Variants in PRKN observed in about 807,000 individuals in gnomAD.
The protein encoded by PRKN is E3 ubiquitin-protein ligase parkin.
Under a neutral mutation model 59.5 loss-of-function variants are expected in PRKN, and 56 were observed. The observed-to-expected ratio is 0.94, with a 90% confidence interval of 0.76 to 1.18. The LOEUF is 1.18. Ranked by LOEUF, PRKN falls within the 50% of genes most tolerant of loss-of-function variation. The pLI, the probability that PRKN is intolerant of heterozygous loss-of-function variation, is 0.00. For synonymous variants in PRKN, 250 were observed against 222.1 expected (o/e 1.13, Z -1.12); for missense variants, 657 against 596.4 (o/e 1.10, Z -1.06).
chr6:161,714,032 A>G (rs754162829), intron 7 of PRKN, among the ~76,000 whole-genome samples: 2 of 152,154 alleles, frequency 1.3e-5, no homozygotes, highest in Non-Finnish European at 2.9e-5. Context: ...TCAGTCCATT[A>G]AACTTCTTTT....
At chr6:162,468,515 G>A (rs182143752) in intron 1 of PRKN, among the ~76,000 whole-genome samples, 1 of 152,142 alleles carries the variant, frequency 6.6e-6, no homozygotes, top group East Asian at 1.9e-4. Context: ...ATAAATATAG[G>A]ACACACACAT....
chr6:161,991,672 TCTCTA>T (rs1470354704), intron 5 of PRKN, among the ~76,000 whole-genome samples: 1 of 151,844 alleles, frequency 6.6e-6, no homozygotes, highest in Non-Finnish European at 1.5e-5. Flanking sequence ...TGAAAGTCCA[TCTCTA>T]CTAAACATAC....
chr6:162,330,689 T>C (rs762476044), intron 2 of PRKN, among the ~76,000 whole-genome samples: 40 of 152,234 alleles, frequency 2.6e-4, no homozygotes, highest in Non-Finnish European at 4.3e-4. Context: ...CTACTTCAAC[T>C]GTGCCATTGT....
At chr6:162,078,926 A>G (rs1397262821) in intron 4 of PRKN, among the ~76,000 whole-genome samples, 1 of 152,112 alleles carries the variant, frequency 6.6e-6, no homozygotes, top group Non-Finnish European at 1.5e-5. Context: ...AATTTAATAG[A>G]TCAGACCCTC....
intron 1 of PRKN, chr6:162,571,400 C>T (rs1246297448): frequency 1.3e-5 from 2 of 149,730 alleles, no homozygotes; most frequent in African/African-American, 4.9e-5. Flanking sequence ...TACTATGTAC[C>T]CACAAAAATA....
intron 4 of PRKN, among the ~76,000 whole-genome samples, chr6:162,057,419 G>T (rs2128286528): frequency 6.6e-6 from 1 of 152,226 alleles, no homozygotes; most frequent in Admixed American, 6.5e-5. Flanking sequence ...TGAATTCCCT[G>T]ACCTGCCAAG....
At chr6:162,019,723 T>C (rs1032912859) in intron 5 of PRKN, among the ~76,000 whole-genome samples, 2 of 152,128 alleles carry the variant, frequency 1.3e-5, no homozygotes, top group African/African-American at 4.8e-5. Context: ...GATAACTTTA[T>C]GTATTAAAAA....
At chr6:162,274,040 C>T (rs1422092326) in intron 2 of PRKN, among the ~76,000 whole-genome samples, 1 of 151,944 alleles carries the variant, frequency 6.6e-6, no homozygotes, top group East Asian at 1.9e-4. Flanking sequence ...CATTTAATGG[C>T]ATCAAATATT....
chr6:162,438,749 G>A (rs1417998121), intron 2 of PRKN, among the ~76,000 whole-genome samples: 3 of 152,150 alleles, frequency 2.0e-5, no homozygotes, highest in Non-Finnish European at 4.4e-5. Context: ...GTTGAATTAC[G>A]TTGTGTGTTG....
chr6:161,792,477 C>T (rs1790676967), intron 6 of PRKN, among the ~76,000 whole-genome samples: 1 of 152,170 alleles, frequency 6.6e-6, no homozygotes. Context: ...TTTCTTCATT[C>T]TCCCCAGTGG....
intron 9 of PRKN, among the ~76,000 whole-genome samples, chr6:161,420,907 G>GTAC (rs1407612378): frequency 2.6e-5 from 4 of 152,094 alleles, no homozygotes; most frequent in Non-Finnish European, 5.9e-5. Flanking sequence ...TCCATTTGCC[G>GTAC]TACTAAATCA....
At chr6:162,454,280 A>G (rs1790758916) in intron 1 of PRKN, among the ~76,000 whole-genome samples, 1 of 152,204 alleles carries the variant, frequency 6.6e-6, no homozygotes, top group Non-Finnish European at 1.5e-5. Flanking sequence ...TTCTTTAAAT[A>G]AGAAAAGTGT....
At chr6:161,513,150 A>G (rs1778455488) in intron 9 of PRKN, among the ~76,000 whole-genome samples, 1 of 152,234 alleles carries the variant, frequency 6.6e-6, no homozygotes, top group Admixed American at 6.5e-5. Flanking sequence ...TGGTTTCTAG[A>G]AATAAAAATT....
intron 2 of PRKN, among the ~76,000 whole-genome samples, chr6:162,307,897 A>T (rs902268869): frequency 6.6e-6 from 1 of 152,244 alleles, no homozygotes; most frequent in Admixed American, 6.5e-5. Flanking sequence ...CAAGAGTGTT[A>T]TACAGACAAG....
chr6:161,395,752 G>T lies in PRKN; in HGVS notation c.1084-8875C>A, dbSNP rs1177138096. Among the ~76,000 whole-genome samples, 6 of 152,214 alleles carry T rather than the reference G, an allele frequency of 3.9e-5. No individual in the cohort carries two copies. The highest frequency in any genetic ancestry group is 1.4e-4 in the African/African-American group (6 of 41,454). Reference sequence around the variant, plus strand: ...AAGCAATTACTCTGACCACGTTTAAGTCTTGTCTACACAGCCAAAGCTGGG... The same window carrying T: ...AAGCAATTACTCTGACCACGTTTAATTCTTGTCTACACAGCCAAAGCTGGG... On this transcript the variant is annotated intron_variant, in intron 9 of 11. Coordinates refer to ENST00000366898, the MANE Select transcript of PRKN (RefSeq NM_004562.3). The surrounding 1 kb of genome is among the most constrained non-coding windows in gnomAD (Gnocchi z 5.0).
chr6:161,606,167 G>C (rs1184479411), intron 7 of PRKN, among the ~76,000 whole-genome samples: 1 of 152,218 alleles, frequency 6.6e-6, no homozygotes. Flanking sequence ...TCCTGTTTTA[G>C]AGTCACAATG....
chr6:162,595,245 T>C (rs909189815), intron 1 of PRKN, among the ~76,000 whole-genome samples: 4 of 152,060 alleles, frequency 2.6e-5, no homozygotes, highest in African/African-American at 9.7e-5. Context: ...TGAGTTTTCT[T>C]TTTTTCTTTT....
chr6:161,874,265 A>T (rs1242980572), intron 6 of PRKN, among the ~76,000 whole-genome samples: 80 of 6,698 alleles, frequency 0.012, 14 homozygotes, highest in Non-Finnish European at 0.021. Context: ...TTATATGTAA[A>T]ATATATAATA....
rs1316260237 is a variant in PRKN, at chr6:161,552,778, T to TTTGTTG, written c.934-3781_934-3776dup. Among the ~76,000 whole-genome samples, 1 of 117,450 alleles carries TTTGTTG rather than the reference T, an allele frequency of 8.5e-6. No individual in the cohort carries two copies. Among genetic ancestry groups the TTTGTTG allele is most frequent in the African/African-American group, 2.8e-5 (1 of 35,294 alleles). 77.1% of individuals were successfully genotyped at this position (117,450 alleles called of 152,430 possible). On this transcript the variant is annotated intron_variant, in intron 8 of 11. Coordinates refer to ENST00000366898, the MANE Select transcript of PRKN (RefSeq NM_004562.3). The surrounding 1 kb of genome is among the most constrained non-coding windows in gnomAD (Gnocchi z 4.9). ...ACCCCTTCCTAAAAGACACCATGGT[T>TTTGTTG]TTGTTGTTGTTTTTGTTTTTTGTTT...
Sources: allele counts gnomAD v4.1 joint callset (sites outside exome capture counted in the v4.1 genomes callset), GRCh38; gene constraint gnomAD v4.1.1; non-coding constraint Gnocchi (gnomAD v3.1); transcripts MANE v1.5; gene names NCBI Gene and HGNC (gene_info 2026-07-23, HGNC 2026-07-21).